Variants in DPYD observed in about 807,000 individuals in gnomAD.
DPYD encodes dihydropyrimidine dehydrogenase, also known as dihydropyrimidine dehydrogenase [NADP(+)].
A neutral mutation model predicts 116.2 loss-of-function variants in DPYD; 109 were observed. The ratio of observed to expected loss-of-function variants is 0.94; its 90% CI spans 0.80 to 1.10. The LOEUF (loss-of-function observed/expected upper bound fraction) is 1.10, where lower values mean the gene tolerates loss of function less well. Ranked by LOEUF, DPYD falls within the 50% of genes least tolerant of loss-of-function variation. DPYD has a pLI of 0.00. For missense variants in DPYD, 1,302 were observed against 1,254.5 expected (o/e 1.04, Z -0.57); for synonymous variants, 440 against 432.0 (o/e 1.02, Z -0.23).
intron 8 of DPYD, 86 bp from the exon 9 acceptor site, chr1:97,595,252 T>C: frequency 1.0e-6 from 1 of 998,160 alleles, no homozygotes. Flanking sequence ...AACTTTAATC[T>C]TTGAAATAAT....
At chr1:97,102,713 C>T (rs1249749282) in intron 20 of DPYD, among the ~76,000 whole-genome samples, 5 of 151,796 alleles carry the variant, frequency 3.3e-5, no homozygotes, top group Non-Finnish European at 7.4e-5. Context: ...CTGTGCTACA[C>T]TAAAGGCTAA....
chr1:97,875,596 G>T (rs10747491), intron 2 of DPYD, among the ~76,000 whole-genome samples: 110,296 of 151,790 alleles, frequency 0.73, 40,697 homozygotes, highest in East Asian at 0.93. Context: ...AAATTACAAG[G>T]TCTACAATAT....
At chr1:97,182,473 G>A (rs1316796080) in intron 20 of DPYD, among the ~76,000 whole-genome samples, 1 of 152,000 alleles carries the variant, frequency 6.6e-6, no homozygotes, top group Non-Finnish European at 1.5e-5. Flanking sequence ...AGCCTCATGT[G>A]ATCTGACTAC....
chr1:97,274,136 T>C (rs1664771370), intron 18 of DPYD, among the ~76,000 whole-genome samples: 1 of 152,194 alleles, frequency 6.6e-6, no homozygotes, highest in Admixed American at 6.5e-5. Flanking sequence ...AAAATAAATA[T>C]GAATTTGGAT....
At chr1:97,790,207 A>G (rs1296982296) in intron 3 of DPYD, among the ~76,000 whole-genome samples, 1 of 152,168 alleles carries the variant, frequency 6.6e-6, no homozygotes, top group African/African-American at 2.4e-5. Context: ...AAAATGATCA[A>G]TTCTGTCTTA....
chr1:97,269,583 C>T (rs1165911005), intron 18 of DPYD, among the ~76,000 whole-genome samples: 1 of 152,122 alleles, frequency 6.6e-6, no homozygotes, highest in Non-Finnish European at 1.5e-5. Flanking sequence ...TCTTATAGTT[C>T]CAAAGGCTGG....
At chr1:97,910,401 A>T (rs1452355935) in intron 1 of DPYD, among the ~76,000 whole-genome samples, 1 of 152,088 alleles carries the variant, frequency 6.6e-6, no homozygotes, top group African/African-American at 2.4e-5. Flanking sequence ...CTGAAGTCAA[A>T]CAATAGGTGG....
intron 18 of DPYD, among the ~76,000 whole-genome samples, chr1:97,266,299 C>T (rs933796012): frequency 6.6e-6 from 1 of 152,126 alleles, no homozygotes; most frequent in Non-Finnish European, 1.5e-5. Context: ...TGAAAAATAG[C>T]ACATTAGTGT....
intron 18 of DPYD, among the ~76,000 whole-genome samples, chr1:97,288,847 T>C (rs1372251980): frequency 2.0e-5 from 3 of 151,402 alleles, no homozygotes; most frequent in African/African-American, 4.9e-5. Context: ...AGAGCACAAC[T>C]GAAGGAAATA....
chr1:97,398,132 T>C (rs1468296281), intron 14 of DPYD, among the ~76,000 whole-genome samples: 1 of 152,088 alleles, frequency 6.6e-6, no homozygotes, highest in African/African-American at 2.4e-5. Flanking sequence ...GTGTGTGATG[T>C]TCCACACCCT....
intron 19 of DPYD, among the ~76,000 whole-genome samples, chr1:97,207,697 C>G (rs1222150628): frequency 1.3e-5 from 2 of 152,090 alleles, no homozygotes; most frequent in Non-Finnish European, 2.9e-5. Flanking sequence ...AATCTGGATT[C>G]TAACTCTAAT....
At position 97,673,012 on chromosome 1, in the gene DPYD, C is replaced by T. The variant is rs558494230; in HGVS notation, c.850+6083G>A. Among the ~76,000 whole-genome samples the T allele has an allele frequency of 2.0e-5, 3 of 152,080 alleles. No homozygotes were observed. In the East Asian group the frequency reaches 5.8e-4, roughly 29 times the overall value. On this transcript the variant is annotated intron_variant, in intron 8 of 22. Transcript: ENST00000370192. Reference sequence around the variant, plus strand: ...TAATTCTTCTTGAGTATCAGCTTACCCTCTTCAAGAATCTTAAGTGAGATG... The same window carrying T: ...TAATTCTTCTTGAGTATCAGCTTACTCTCTTCAAGAATCTTAAGTGAGATG...
chr1:97,643,766 A>C (rs1658073665), intron 8 of DPYD, among the ~76,000 whole-genome samples: 1 of 152,218 alleles, frequency 6.6e-6, no homozygotes, highest in Admixed American at 6.5e-5. Context: ...AAAAAGGATG[A>C]GTTCATGTCC....
Position 97,744,931 on chromosome 1 carries a change from T to A in DPYD, c.234-4452A>T, listed in dbSNP as rs1017349277. 2.6e-5 allele frequency among the ~76,000 whole-genome samples: 4 copies of A among 151,990 alleles called. No individual in the cohort carries two copies. In the East Asian group the frequency reaches 7.7e-4, roughly 29 times the overall value. ...TATCCTTTGCTTCCAGACCCTATCA[T>A]AATAAAGGAGACAAGAAAGATGGCT... On this transcript the variant is annotated intron_variant, in intron 3 of 22. Coordinates refer to ENST00000370192, the MANE Select transcript of DPYD (RefSeq NM_000110.4).
At chr1:97,256,549 C>T (rs577626736) in intron 18 of DPYD, among the ~76,000 whole-genome samples, 9 of 152,130 alleles carry the variant, frequency 5.9e-5, no homozygotes, top group Non-Finnish European at 1.2e-4. Context: ...CTGTTATCCA[C>T]GTTAAGATGT....
At chr1:97,651,179 T>C (rs1658559815) in intron 8 of DPYD, among the ~76,000 whole-genome samples, 1 of 152,156 alleles carries the variant, frequency 6.6e-6, no homozygotes, top group Admixed American at 6.6e-5. Flanking sequence ...TTTAAGGATA[T>C]GTTACACCAC....
intron 13 of DPYD, among the ~76,000 whole-genome samples, chr1:97,480,989 A>C (rs1012717675): frequency 3.3e-5 from 5 of 152,204 alleles, no homozygotes; most frequent in Admixed American, 1.3e-4. Context: ...CTCAAAAAAC[A>C]AAAAGAAAAA....
chr1:97,658,236 T>C (rs1368507564), intron 8 of DPYD, among the ~76,000 whole-genome samples: 1 of 152,188 alleles, frequency 6.6e-6, no homozygotes, highest in Non-Finnish European at 1.5e-5. Flanking sequence ...TATTTCCTAA[T>C]GAGGTTTAAT....
At chr1:97,733,618 C>T (rs1269001297) in intron 4 of DPYD, among the ~76,000 whole-genome samples, 1 of 151,838 alleles carries the variant, frequency 6.6e-6, no homozygotes, top group East Asian at 1.9e-4. Flanking sequence ...AAAGTATTCA[C>T]CCGTTTTTAT....
Sources: allele counts gnomAD v4.1 joint callset (sites outside exome capture counted in the v4.1 genomes callset), GRCh38; gene constraint gnomAD v4.1.1; transcripts MANE v1.5; gene names NCBI Gene and HGNC (gene_info 2026-07-23, HGNC 2026-07-21).